Variants in NXPE2 observed in about 807,000 individuals in gnomAD.
NXPE2 encodes NXPE family member 2.
In NXPE2, 34 loss-of-function variants were observed where a neutral mutation model predicts 34.4. That is an observed-to-expected ratio of 0.99 (90% CI 0.75 to 1.31). The LOEUF (loss-of-function observed/expected upper bound fraction) is 1.31, where lower values mean the gene tolerates loss of function less well. NXPE2 is among the 40% of genes most tolerant of loss of function. The pLI, the probability that NXPE2 is intolerant of heterozygous loss-of-function variation, is 0.00. For missense variants in NXPE2, 649 were observed against 672.5 expected (o/e 0.97, Z 0.39); for synonymous variants, 235 against 231.3 (o/e 1.02, Z -0.15).
At chr11:114,706,362 T>C in intron 5 of NXPE2, 33 bp from the exon 6 acceptor site, 1 of 1,472,804 alleles carries the variant, frequency 6.8e-7, no homozygotes, top group Non-Finnish European at 9.0e-7. Flanking sequence ...ATTTTCCTTT[T>C]GTTAAAATAT....
chr11:114,519,501 T>G, the NXPE2 span, among the ~76,000 whole-genome samples: 2 of 152,226 alleles, frequency 1.3e-5, no homozygotes, highest in African/African-American at 4.8e-5. Context: ...CTTTTAAAAA[T>G]ACATGTTTTT....
At chr11:114,488,632 C>T in the NXPE2 span, among the ~76,000 whole-genome samples, 4 of 152,082 alleles carry the variant, frequency 2.6e-5, no homozygotes, top group Non-Finnish European at 4.4e-5. Flanking sequence ...GAAATGAAGG[C>T]AGAAATAAAG....
At chr11:114,513,196 C>A in the NXPE2 span, 1 of 544,348 alleles carries the variant, frequency 1.8e-6, no homozygotes. Flanking sequence ...TCACCTCCAG[C>A]AGGATGTCCA....
At chr11:114,769,104 A>G in the NXPE2 span, among the ~76,000 whole-genome samples, 4 of 152,098 alleles carry the variant, frequency 2.6e-5, no homozygotes, top group Non-Finnish European at 5.9e-5. Context: ...AACTTAAACA[A>G]ATTTGCAAGA....
the NXPE2 span, among the ~76,000 whole-genome samples, chr11:114,547,560 C>T: frequency 2.1e-4 from 32 of 152,114 alleles, no homozygotes; most frequent in African/African-American, 5.8e-4. Flanking sequence ...CATGGTGAAA[C>T]GCATCTCTCC....
At chr11:114,537,048 C>T in the NXPE2 span, among the ~76,000 whole-genome samples, 10 of 152,084 alleles carry the variant, frequency 6.6e-5, no homozygotes, top group East Asian at 7.7e-4. Context: ...ACTGGCAAAC[C>T]GAATCCAGCA....
At chr11:114,711,566 G>T (rs1448937073), downstream of NXPE2, among the ~76,000 whole-genome samples, 1 of 152,098 alleles carries the variant, frequency 6.6e-6, no homozygotes, top group Non-Finnish European at 1.5e-5. Context: ...TAATTAAGGA[G>T]ATGAAAGACC....
At chr11:114,790,264 C>T in the NXPE2 span, among the ~76,000 whole-genome samples, 4 of 152,170 alleles carry the variant, frequency 2.6e-5, no homozygotes, top group South Asian at 8.3e-4. Flanking sequence ...TTTCCATTTC[C>T]TGTTTCTCTC....
the NXPE2 span, among the ~76,000 whole-genome samples, chr11:114,788,409 G>A: frequency 6.6e-6 from 1 of 152,192 alleles, no homozygotes. Context: ...GCTGGAGGAA[G>A]GGCACACGCC....
chr11:114,511,050 T>A, the NXPE2 span, among the ~76,000 whole-genome samples: 11 of 152,116 alleles, frequency 7.2e-5, no homozygotes, highest in Non-Finnish European at 1.3e-4. Flanking sequence ...AGGAAATTAA[T>A]AGAAAATACC....
At chr11:114,507,744 C>T in the NXPE2 span, among the ~76,000 whole-genome samples, 1 of 151,866 alleles carries the variant, frequency 6.6e-6, no homozygotes, top group South Asian at 2.1e-4. Flanking sequence ...AGGAACATAC[C>T]TCAAAATAAG....
the NXPE2 span, among the ~76,000 whole-genome samples, chr11:114,635,740 T>C: frequency 1.3e-5 from 2 of 152,088 alleles, no homozygotes; most frequent in Non-Finnish European, 1.5e-5. Flanking sequence ...TTTTTGTCTT[T>C]GGTTCTGTTT....
chr11:114,543,813 A>C, the NXPE2 span, among the ~76,000 whole-genome samples: 13 of 152,226 alleles, frequency 8.5e-5, no homozygotes, highest in Non-Finnish European at 1.8e-4. Flanking sequence ...AACAAATTAC[A>C]TGACTGTCTA....
the NXPE2 span, among the ~76,000 whole-genome samples, chr11:114,612,471 C>T: frequency 5.3e-5 from 8 of 151,728 alleles, no homozygotes; most frequent in Admixed American, 2.0e-4. Flanking sequence ...AGTGTTGCCT[C>T]ATGGGAAACC....
chr11:114,598,352 C>A, the NXPE2 span, among the ~76,000 whole-genome samples: 6 of 73,368 alleles, frequency 8.2e-5, no homozygotes, highest in African/African-American at 1.7e-4. Flanking sequence ...ATCTACCATT[C>A]TGGGGTCTGG....
At chr11:114,635,426 T>G in the NXPE2 span, among the ~76,000 whole-genome samples, 2 of 151,480 alleles carry the variant, frequency 1.3e-5, no homozygotes, top group African/African-American at 4.9e-5. Context: ...ACAATTTGAC[T>G]TCCTCTTTTC....
the NXPE2 span, chr11:114,582,620 G>C: frequency 1.2e-6 from 2 of 1,614,024 alleles, no homozygotes; most frequent in African/African-American, 2.7e-5. Flanking sequence ...ACAGAGTGAA[G>C]CTGACCAGGT....
the NXPE2 span, among the ~76,000 whole-genome samples, chr11:114,666,230 A>G: frequency 6.6e-6 from 1 of 152,112 alleles, no homozygotes; most frequent in African/African-American, 2.4e-5. Flanking sequence ...CGTATAGCAG[A>G]TTCATTCCTC....
chr11:114,715,272 A>T, the NXPE2 span, among the ~76,000 whole-genome samples: 1 of 152,234 alleles, frequency 6.6e-6, no homozygotes, highest in Admixed American at 6.5e-5. Flanking sequence ...TAGACTAATG[A>T]TCCAATAAAA....
Sources: allele counts gnomAD v4.1 joint callset (sites outside exome capture counted in the v4.1 genomes callset), GRCh38; gene constraint gnomAD v4.1.1; transcripts MANE v1.5; gene names NCBI Gene and HGNC (gene_info 2026-07-23, HGNC 2026-07-21).